The following SH3BP4 variants were observed in gnomAD, a reference collection of about 807,000 sequenced individuals.
The protein encoded by SH3BP4 is SH3 domain-binding protein 4.
SH3BP4 carries 33 observed loss-of-function variants against 65.5 expected under a neutral mutation model. That is an observed-to-expected ratio of 0.50 (90% CI 0.38 to 0.67). SH3BP4 has a LOEUF of 0.67. Ranked by LOEUF, SH3BP4 falls within the 30% of genes least tolerant of loss-of-function variation. The pLI is 0.00. For synonymous variants in SH3BP4, 552 were observed against 545.5 expected (o/e 1.01, Z -0.17); for missense variants, 1,134 against 1,261.4 (o/e 0.90, Z 1.53).
In SH3BP4 at chr2:235,041,879, GT is replaced by G; in HGVS notation, c.1111del (p.Ser371ProfsTer12). 6.2e-7 allele frequency: 1 copy of G among 1,612,684 alleles called. No individual in the cohort carries two copies. The highest frequency in any genetic ancestry group is 8.5e-7 in the Non-Finnish European group (1 of 1,179,294). On this transcript the variant is annotated frameshift_variant, in exon 4 of 6. Transcript: ENST00000392011. LOFTEE classifies it high-confidence loss of function. This position sits in a 1 kb window ranked among gnomAD's most constrained non-coding sequence, Gnocchi z 6.0. ...CCCCGCTGGAGCTCAACAGTGACAG[GT>G]CCTGCAGCATCAGCCCTGTGCTGGA... ...DPPLELNSDR[S>X]CSISPVLEVK...
chr2:234,985,378 A>G (rs1693515319), intron 1 of SH3BP4, among the ~76,000 whole-genome samples: 1 of 152,174 alleles, frequency 6.6e-6, no homozygotes, highest in African/African-American at 2.4e-5. Context: ...GAGAAAGTCA[A>G]AAGTGTGCGT....
intron 2 of SH3BP4, among the ~76,000 whole-genome samples, chr2:234,998,439 G>T (rs991823245): frequency 2.0e-5 from 3 of 152,386 alleles, no homozygotes; most frequent in African/African-American, 2.4e-5. Context: ...GACTGGCCAC[G>T]CAGGCTCTGC....
In SH3BP4 at chr2:235,041,439, A is replaced by G. The variant is rs760092447; in HGVS notation, c.670A>G (p.Asn224Asp). 18 of 1,614,066 alleles carry G rather than the reference A, an allele frequency of 1.1e-5. No individual in the cohort carries two copies. The South Asian group carries it at 1.3e-4, about 12-fold the overall frequency. ...CATCTTCGATGAGCTTCCAGTCACA[A>G]ACGGACTCCACGCAGAGCCGCCGGT... ...GNIFDELPVTNGLHAEPPVRR... is the reference protein window; with the variant it reads ...GNIFDELPVTDGLHAEPPVRR... Residue 224 changes from asparagine to aspartate, a missense_variant, in exon 4 of 6, where the codon AAC becomes GAC. Physicochemically the swap from Asn to Asp is conservative, Grantham distance 23. Transcript: ENST00000392011. This position sits in a 1 kb window ranked among gnomAD's most constrained non-coding sequence, Gnocchi z 6.0.
In SH3BP4 at chr2:234,967,624, C is replaced by T. The variant is rs1277694649; in HGVS notation, c.-207+15454C>T. ...AATTATTCTCATGGCTCCATATCCG[C>T]GTCAGGTTACCTCCTTCCCGTGCCT... On this transcript the variant is annotated intron_variant, in intron 1 of 5. Coordinates refer to ENST00000392011, the MANE Select transcript of SH3BP4 (RefSeq NM_014521.3). This position sits in a 1 kb window ranked among gnomAD's most constrained non-coding sequence, Gnocchi z 4.6. 6.6e-6 allele frequency among the ~76,000 whole-genome samples: 1 copy of T among 152,210 alleles called. No homozygotes were observed. The highest frequency in any genetic ancestry group is 6.5e-5 in the Admixed American group (1 of 15,286).
rs1342946573 is a variant in SH3BP4, at chr2:235,042,859, T to G, written c.2090T>G (p.Leu697Arg). 6.2e-7 allele frequency: 1 copy of G among 1,613,724 alleles called. No homozygotes were observed. Among genetic ancestry groups the G allele is most frequent in the Non-Finnish European group, 8.5e-7 (1 of 1,180,028 alleles). The change falls in exon 4 of 6, where the codon CTG becomes CGG. Residue 697 changes from leucine (L) to arginine (R), a missense_variant. Leu to Arg is a moderately radical substitution (Grantham distance 102, BLOSUM62 -2). Coordinates refer to ENST00000392011, the MANE Select transcript of SH3BP4 (RefSeq NM_014521.3). The surrounding 1 kb of genome is among the most constrained non-coding windows in gnomAD (Gnocchi z 7.3). Reference sequence around the variant, plus strand: ...GAGCGGGTCAGGCTCCGGGGCCAGCTGTGGACCAAGGAGTGGTACATCGGC... The same window carrying G: ...GAGCGGGTCAGGCTCCGGGGCCAGCGGTGGACCAAGGAGTGGTACATCGGC... ...SEERVRLRGQLWTKEWYIGYY... is the reference protein window; with the variant it reads ...SEERVRLRGQRWTKEWYIGYY...
rs1278468331 is a variant in SH3BP4, at chr2:235,035,709, G to A, written c.118+589G>A. Among the ~76,000 whole-genome samples, 1 of 152,226 alleles carries A rather than the reference G, an allele frequency of 6.6e-6. No individual in the cohort carries two copies. Among genetic ancestry groups the A allele is most frequent in the Admixed American group, 6.5e-5 (1 of 15,288 alleles). On this transcript the variant is annotated intron_variant, in intron 3 of 5. Transcript: ENST00000392011. This position sits in a 1 kb window ranked among gnomAD's most constrained non-coding sequence, Gnocchi z 5.0. ...TTACCAACCCCTGATCTAGAAGGTG[G>A]TTCTAAAGTTTAATAACCCTGGGTC...
At chr2:235,007,290 C>T (rs1013492652) in intron 2 of SH3BP4, among the ~76,000 whole-genome samples, 3 of 152,134 alleles carry the variant, frequency 2.0e-5, no homozygotes, top group Non-Finnish European at 2.9e-5. Context: ...CTCCCTGCTT[C>T]CTCCAGGTTG....
intron 1 of SH3BP4, among the ~76,000 whole-genome samples, chr2:234,963,017 T>G (rs533038080): frequency 6.6e-6 from 1 of 152,344 alleles, no homozygotes; most frequent in South Asian, 2.1e-4. Context: ...CCCAAAGTGC[T>G]GGGATTACAG....
intron 1 of SH3BP4, among the ~76,000 whole-genome samples, chr2:234,992,706 G>A (rs1267990551): frequency 1.4e-5 from 2 of 147,592 alleles, no homozygotes; most frequent in African/African-American, 2.5e-5. Flanking sequence ...TTCCTGCTGC[G>A]TGGCTCTGGG....
At chr2:235,050,448 A>C (rs1055217847) in intron 4 of SH3BP4, among the ~76,000 whole-genome samples, 1 of 152,080 alleles carries the variant, frequency 6.6e-6, no homozygotes, top group Non-Finnish European at 1.5e-5. Flanking sequence ...TTCTACAAAA[A>C]CAAACGGCCA....
Position 234,977,807 on chromosome 2 carries a change from A to G in SH3BP4, c.-206-17496A>G, listed in dbSNP as rs1177358600. On this transcript the variant is annotated intron_variant, in intron 1 of 5. Transcript: ENST00000392011. This position sits in a 1 kb window ranked among gnomAD's most constrained non-coding sequence, Gnocchi z 5.1. ...CACACGCATATGCACACACATGGGCACACACACACATGCGTGCACACACAC... is the reference window on the plus strand; with the variant it reads ...CACACGCATATGCACACACATGGGCGCACACACACATGCGTGCACACACAC... Among the ~76,000 whole-genome samples, 1 of 152,098 alleles carries G rather than the reference A, an allele frequency of 6.6e-6. No homozygotes were observed. The highest frequency in any genetic ancestry group is 1.5e-5 in the Non-Finnish European group (1 of 67,988).
At chr2:234,992,894 A>T (rs1207346613) in intron 1 of SH3BP4, among the ~76,000 whole-genome samples, 2 of 97,732 alleles carry the variant, frequency 2.0e-5, no homozygotes, top group Non-Finnish European at 4.1e-5. Flanking sequence ...CGTTCCTGCC[A>T]CGTGGCTCTG....
Position 235,052,512 on chromosome 2 carries a change from C to G in SH3BP4, c.2479-50C>G. 10 of 1,426,960 alleles carry G rather than the reference C, an allele frequency of 7.0e-6. No individual in the cohort carries two copies. The highest frequency in any genetic ancestry group is 8.4e-6 in the Non-Finnish European group (9 of 1,065,590). The allele number at this position is 1,426,960 out of a possible 1,614,324, so 88.4% of individuals were successfully genotyped here. A position where few individuals can be genotyped will look rare whatever the true frequency, so the allele number is the denominator to read the frequency against. ...TGCTGGAATTCTGCGGGGAGCAGAG[C>G]CTGCCCCACTCCCTACACTGTCTCA... On this transcript the variant is annotated intron_variant, in intron 4 of 5. Transcript: ENST00000392011. This position sits in a 1 kb window ranked among gnomAD's most constrained non-coding sequence, Gnocchi z 5.0.
Position 235,052,547 on chromosome 2 carries a change from C to T in SH3BP4, c.2479-15C>T. Reference sequence around the variant, plus strand: ...TCCCTACACTGTCTCACGCTGTGTGCCTCTTCCTCTGCAGGCCCTACTGAA... The same window carrying T: ...TCCCTACACTGTCTCACGCTGTGTGTCTCTTCCTCTGCAGGCCCTACTGAA... On this transcript the variant is annotated splice_polypyrimidine_tract_variant and intron_variant, in intron 4 of 5. Transcript: ENST00000392011. The surrounding 1 kb of genome is among the most constrained non-coding windows in gnomAD (Gnocchi z 5.0). The T allele has an allele frequency of 6.5e-7, 1 of 1,536,460 alleles. No individual in the cohort carries two copies.
chr2:234,989,597 C>T (rs1693685964), intron 1 of SH3BP4, among the ~76,000 whole-genome samples: 1 of 152,324 alleles, frequency 6.6e-6, no homozygotes, highest in East Asian at 1.9e-4. Context: ...CTATTTTCCA[C>T]CTTGTGGGCC....
rs570562407 is a variant in SH3BP4 at position 234,978,230 on chromosome 2, A to G, written c.-206-17073A>G. ...CTCAGCCTCCCAAAGTGCTGGGATT[A>G]CAGGCGTGAGCCACCATGCTGGCAG... On this transcript the variant is annotated intron_variant, in intron 1 of 5. Coordinates refer to ENST00000392011, the MANE Select transcript of SH3BP4 (RefSeq NM_014521.3). This position sits in a 1 kb window ranked among gnomAD's most constrained non-coding sequence, Gnocchi z 4.1. Among the ~76,000 whole-genome samples the G allele has an allele frequency of 6.6e-6, 1 of 152,362 alleles. No individual in the cohort carries two copies. The highest frequency in any genetic ancestry group is 1.5e-5 in the Non-Finnish European group (1 of 68,046).
intron 1 of SH3BP4, among the ~76,000 whole-genome samples, chr2:234,969,970 C>G (rs756586879): frequency 1.3e-5 from 2 of 150,364 alleles, no homozygotes; most frequent in African/African-American, 5.0e-5. Context: ...CACACACACA[C>G]TCTCACACAC....
intron 2 of SH3BP4, chr2:234,995,761 C>G (rs567075855): frequency 2.6e-5 from 4 of 152,480 alleles, no homozygotes; most frequent in Non-Finnish European, 2.9e-5. Flanking sequence ...GCAGCTCCCC[C>G]ACCCCAGCAG....
intron 2 of SH3BP4, among the ~76,000 whole-genome samples, chr2:235,005,144 G>C (rs1356867553): frequency 6.6e-6 from 1 of 152,214 alleles, no homozygotes; most frequent in Non-Finnish European, 1.5e-5. Context: ...ACCTAGGCCA[G>C]GTGTTTGCCC....
Sources: allele counts gnomAD v4.1 joint callset (sites outside exome capture counted in the v4.1 genomes callset), GRCh38; gene constraint gnomAD v4.1.1; non-coding constraint Gnocchi (gnomAD v3.1); transcripts MANE v1.5; gene names NCBI Gene and HGNC (gene_info 2026-07-23, HGNC 2026-07-21).